SPG11: variants seen among roughly 807,000 people sequenced by gnomAD.
SPG11 encodes spatacsin.
Under a neutral mutation model 274.0 loss-of-function variants are expected in SPG11, and 222 were observed. The observed-to-expected ratio is 0.81, with a 90% CI of 0.73 to 0.91. SPG11 has a LOEUF of 0.91. Among genes scored for constraint, SPG11 ranks in the 40% least tolerant of loss-of-function variants. SPG11 has a pLI of 0.00. For missense variants in SPG11, 3,114 were observed against 2,872.7 expected (o/e 1.08, Z -1.92); for synonymous variants, 1,144 against 1,039.7 (o/e 1.10, Z -1.93).
intron 3 of SPG11, 105 bp from the exon 4 acceptor site, chr15:44,657,401 G>A: frequency 1.9e-6 from 2 of 1,050,114 alleles, no homozygotes; most frequent in Non-Finnish European, 2.8e-6. Context: ...AATTTTGTAG[G>A]TATAACAGAA....
chr15:44,629,459 T>G, intron 8 of SPG11, 71 bp from the exon 9 acceptor site: 1 of 1,469,810 alleles, frequency 6.8e-7, no homozygotes, highest in Admixed American at 1.8e-5. Flanking sequence ...ATATCAAAAA[T>G]ATCATGTTAC....
At chr15:44,606,242 T>C (rs1044789917) in intron 19 of SPG11, 151 bp from the exon 20 acceptor site, 2 of 632,828 alleles carry the variant, frequency 3.2e-6, no homozygotes, top group African/African-American at 1.8e-5. Flanking sequence ...TGAACACAGC[T>C]AAAAATAAAA....
Position 44,589,317 on chromosome 15 carries a change from T to C in SPG11, c.4841A>G (p.Lys1614Arg). The change falls in exon 28 of 40, where the codon AAG becomes AGG. Residue 1614 changes from lysine (K) to arginine (R), a missense_variant. Coordinates refer to ENST00000261866, the MANE Select transcript of SPG11 (RefSeq NM_025137.4). ...FLLKLMLQQC[K>R]TQYELGKLLQ... ...AAGCTTCCCCAGCTCATACTGGGTC[T>C]TACACTGCTGTAGCATAAGCTTCAA... The C allele has an allele frequency of 6.2e-7, 1 of 1,614,200 alleles. No homozygotes were observed. Among genetic ancestry groups the C allele is most frequent in the Non-Finnish European group, 8.5e-7 (1 of 1,180,002 alleles).
At chr15:44,642,446 A>G (rs1813371281) in intron 7 of SPG11, among the ~76,000 whole-genome samples, 1 of 150,066 alleles carries the variant, frequency 6.7e-6, no homozygotes, top group Non-Finnish European at 1.5e-5. Context: ...ATATATATAC[A>G]CACACACACA....
rs1022405126 is a variant in SPG11 at position 44,565,730 on chromosome 15, TA to T, written c.6999+123del. 10 of 1,241,136 alleles carry T rather than the reference TA, an allele frequency of 8.1e-6. No homozygotes were observed. The African/African-American group carries it at 1.5e-4, about 18-fold the overall frequency. The allele number at this position is 1,241,136 out of a possible 1,614,324, so 76.9% of individuals were successfully genotyped here. ...CCGTTCTATGTTGGTATCAGAGAGT[TA>T]AATCAGAACTGTACTGTCCTGGTTC... On this transcript the variant is annotated intron_variant, in intron 38 of 39. Coordinates refer to ENST00000261866, the MANE Select transcript of SPG11 (RefSeq NM_025137.4).
chr15:44,621,866 C>A lies in SPG11; in HGVS notation c.2513G>T (p.Cys838Phe), dbSNP rs772760783. The stretch of plus-strand genomic sequence containing the variant: ...GTCCTGTTTGTTAAATTCATCTTTA[C>A]AATCATATTTCAGGAATGAGTCCAA... ...SVLDSFLKYD[C>F]KDEFNKQDHR... is the part of the protein sequence containing the mutation. The change falls in exon 14 of 40, where the codon TGT (cysteine) becomes TTT (phenylalanine). Residue 838 changes from cysteine (C) to phenylalanine (F), a missense_variant. Transcript: ENST00000261866. 4.3e-6 allele frequency: 7 copies of A among 1,613,622 alleles called. No individual in the cohort carries two copies. The Admixed American group carries it at 8.3e-5, about 19-fold the overall frequency.
Position 44,628,748 on chromosome 15 carries a change from T to A in SPG11, c.1988A>T (p.Asp663Val). Residue 663 changes from aspartate to valine, a missense_variant, in exon 10 of 40, where the codon GAT (aspartate) becomes GTT (valine). By Grantham distance (152) the Asp-to-Val change is radical (BLOSUM62 -3). Coordinates refer to ENST00000261866, the MANE Select transcript of SPG11 (RefSeq NM_025137.4). ...FMIKFPWKLT[D>V]AIDEYDVHEN... ...ATGTACATCATATTCATCTATAGCATCTGTTAGCTTCCAAGGAAACTTTAT... is the reference window on the plus strand; with the variant it reads ...ATGTACATCATATTCATCTATAGCAACTGTTAGCTTCCAAGGAAACTTTAT... 6.2e-7 allele frequency: 1 copy of A among 1,613,696 alleles called. No homozygotes were observed. Among genetic ancestry groups the A allele is most frequent in the Non-Finnish European group, 8.5e-7 (1 of 1,179,794 alleles).
intron 7 of SPG11, among the ~76,000 whole-genome samples, chr15:44,642,364 C>CA (rs36011354): frequency 0.27 from 11,902 of 43,766 alleles, 1,122 homozygotes; most frequent in African/African-American, 0.43. Flanking sequence ...GACTCCATCT[C>CA]AAAAAAAAAA....
At chr15:44,658,946 C>A in intron 3 of SPG11, 133 bp downstream of exon 3, 1 of 771,090 alleles carries the variant, frequency 1.3e-6, no homozygotes, top group South Asian at 1.5e-5. Flanking sequence ...GATCTTTTTC[C>A]ATGAAAAGTT....
intron 26 of SPG11, among the ~76,000 whole-genome samples, 164 bp downstream of exon 26, chr15:44,595,095 G>A (rs2083000610): frequency 6.6e-6 from 1 of 152,210 alleles, no homozygotes; most frequent in Admixed American, 6.5e-5. Flanking sequence ...GGGATTACAG[G>A]CGTGAGCCAC....
chr15:44,648,088 GAATATAA>G (rs2084655645), intron 7 of SPG11, among the ~76,000 whole-genome samples: 1 of 152,222 alleles, frequency 6.6e-6, no homozygotes, highest in African/African-American at 2.4e-5. Flanking sequence ...AAAATAAAAA[GAATATAA>G]ACAACCCAAT....
At chr15:44,659,755 G>A (rs946746165) in intron 2 of SPG11, among the ~76,000 whole-genome samples, 4 of 152,140 alleles carry the variant, frequency 2.6e-5, no homozygotes, top group African/African-American at 7.2e-5. Flanking sequence ...AATATAATGT[G>A]AGCCACATAC....
In SPG11 at chr15:44,659,297, G is replaced by T; in HGVS notation, c.449C>A (p.Ser150Tyr). The T allele has an allele frequency of 1.2e-6, 2 of 1,611,458 alleles. No homozygotes were observed. Among genetic ancestry groups the T allele is most frequent in the East Asian group, 2.2e-5 (1 of 44,858 alleles). ...TGACAGGATTCTCAAAGACAATAAG[G>T]AAATACCTACAAAACAAAAGGATAT... is the stretch of plus-strand genomic sequence containing the variant. ...KLIDDQDISI[S>Y]LLSLRILSFH... Residue 150 changes from serine to tyrosine, a missense_variant, in exon 3 of 40, where the codon TCC becomes TAC. Physicochemically the swap from Ser to Tyr is moderately radical, Grantham distance 144 (BLOSUM62 -2). Coordinates refer to ENST00000261866, the MANE Select transcript of SPG11 (RefSeq NM_025137.4).
At chr15:44,605,888 C>T (rs1262512889) in intron 20 of SPG11, 137 bp downstream of exon 20, 12 of 756,116 alleles carry the variant, frequency 1.6e-5, no homozygotes, top group East Asian at 1.1e-4. Flanking sequence ...TCTGTCTTTG[C>T]GAACTATTTT....
chr15:44,618,516 C>CA (rs1243300533), intron 15 of SPG11, among the ~76,000 whole-genome samples: 2,441 of 35,002 alleles, frequency 0.07, 141 homozygotes, highest in Admixed American at 0.18. Flanking sequence ...GACTCCATCT[C>CA]AAAAAAAAAA....
At chr15:44,629,137 T>A in intron 9 of SPG11, 96 bp downstream of exon 9, 1 of 1,377,516 alleles carries the variant, frequency 7.3e-7, no homozygotes, top group African/African-American at 1.4e-5. Context: ...GTAAATGGCG[T>A]GCCACTGGTT....
Position 44,595,296 on chromosome 15 carries a change from C to T in SPG11, c.4598G>A (p.Ser1533Asn), listed in dbSNP as rs371336932. 4 of 1,614,082 alleles carry T rather than the reference C, an allele frequency of 2.5e-6. No homozygotes were observed. In the African/African-American group the frequency reaches 5.3e-5, roughly 22 times the overall value. ...CTGGAAACCTCTGATGAGAGTTTTGCTCTTTTGTCTTGTTAATAATGTTCT... is the reference window on the plus strand; with the variant it reads ...CTGGAAACCTCTGATGAGAGTTTTGTTCTTTTGTCTTGTTAATAATGTTCT... ...IWRTLLTRQK[S>N]KTLIRGFQLF... The change falls in exon 26 of 40, where the codon AGC becomes AAC. Residue 1533 changes from serine to asparagine, a missense_variant. Ser to Asn is a conservative substitution (Grantham distance 46, BLOSUM62 1). Transcript: ENST00000261866.
Position 44,575,022 on chromosome 15 carries a change from C to A in SPG11, c.5886G>T (p.Gln1962His). Residue 1962 changes from glutamine to histidine, a missense_variant, in exon 31 of 40, where the codon CAG becomes CAT. Physicochemically the swap from Gln to His is conservative, Grantham distance 24. Coordinates refer to ENST00000261866, the MANE Select transcript of SPG11 (RefSeq NM_025137.4). ...RVHSTSSLDS[Q>H]KFVTVPSSNE... ...TACTGGAGGGCACTGTCACAAACTT[C>A]TGACTATCCAGACTTGAAGCTGGAA... 6.2e-7 allele frequency: 1 copy of A among 1,614,084 alleles called. No individual in the cohort carries two copies. The highest frequency in any genetic ancestry group is 8.5e-7 in the Non-Finnish European group (1 of 1,180,028).
chr15:44,609,877 C>G (rs1369029154), intron 18 of SPG11, among the ~76,000 whole-genome samples: 1 of 149,478 alleles, frequency 6.7e-6, no homozygotes. Context: ...TACAGGAGCA[C>G]GCCACCATGC....
Sources: gnomAD v4.1 joint callset for allele counts (sites outside exome capture counted in the v4.1 genomes callset) on GRCh38, gnomAD v4.1.1 for gene constraint, MANE v1.5 for transcripts, NCBI Gene and HGNC (gene_info 2026-07-23, HGNC 2026-07-21) for gene names.